BRD2: variants seen among roughly 807,000 people sequenced by gnomAD.
The protein encoded by BRD2 is bromodomain containing 2, also known as bromodomain-containing protein 2.
BRD2 carries 15 observed loss-of-function variants against 79.1 expected under a neutral mutation model. The ratio of observed to expected loss-of-function variants is 0.19; its 90% CI spans 0.13 to 0.29. The LOEUF (loss-of-function observed/expected upper bound fraction) is 0.29, where lower values mean the gene tolerates loss of function less well. Ranked by LOEUF, BRD2 falls within the 10% of genes least tolerant of loss-of-function variation. BRD2 has a pLI of 1.00. For synonymous variants in BRD2, 488 were observed against 358.6 expected (o/e 1.36, Z -4.08); for missense variants, 1,053 against 991.3 (o/e 1.06, Z -0.84).
rs1306067635 is a variant in BRD2, at chr6:32,975,068, C to G, written c.333+303C>G. 3.3e-6 allele frequency: 5 copies of G among 1,518,706 alleles called. No homozygotes were observed. The East Asian group carries it at 1.3e-4, about 39-fold the overall frequency. The allele number at this position is 1,518,706 out of a possible 1,614,324, so 94.1% of individuals were successfully genotyped here. A position where few individuals can be genotyped will look rare whatever the true frequency, so the allele number is the denominator to read the frequency against. On this transcript the variant is annotated intron_variant, in intron 3 of 12. Coordinates refer to ENST00000374825, the MANE Select transcript of BRD2 (RefSeq NM_005104.4). ...GGACCACGGTGGCCAAAATTCTTAG[C>G]TTCTTCCTTTCCCTCATGCAGCCCA...
At chr6:32,974,333 C>T (rs1399302536) in intron 2 of BRD2, 129 bp from the exon 3 acceptor site, 9 of 921,958 alleles carry the variant, frequency 9.8e-6, no homozygotes, top group Middle Eastern at 3.5e-4. Context: ...ATTGTTTCTG[C>T]TTAAGAAGCA....
In BRD2 at chr6:32,974,698, C is replaced by T; in HGVS notation, c.266C>T (p.Ala89Val). ...TACCTACACAAGGTAGTGATGAAGGCTCTGTGGAAACATCAGTTCGCATGG... is the reference window on the plus strand; with the variant it reads ...TACCTACACAAGGTAGTGATGAAGGTTCTGTGGAAACATCAGTTCGCATGG... ...LQYLHKVVMK[A>V]LWKHQFAWPF... The change falls in exon 3 of 13, where the codon GCT becomes GTT. Residue 89 changes from alanine to valine, a missense_variant. By Grantham distance (64) the Ala-to-Val change is moderately conservative (BLOSUM62 0). Coordinates refer to ENST00000374825, the MANE Select transcript of BRD2 (RefSeq NM_005104.4). 3.7e-6 allele frequency: 6 copies of T among 1,614,212 alleles called. No individual in the cohort carries two copies. The highest frequency in any genetic ancestry group is 2.2e-5 in the East Asian group (1 of 44,880).
rs745557410 is a variant in BRD2, at chr6:32,980,590, A to G, written c.2278A>G (p.Lys760Glu). 1 of 1,613,158 alleles carries G rather than the reference A, an allele frequency of 6.2e-7. No homozygotes were observed. Among genetic ancestry groups the G allele is most frequent in the Non-Finnish European group, 8.5e-7 (1 of 1,180,048 alleles). Residue 760 changes from lysine to glutamate, a missense_variant, in exon 13 of 13, where the codon AAA becomes GAA. Coordinates refer to ENST00000374825, the MANE Select transcript of BRD2 (RefSeq NM_005104.4). ...TCGAATTTGTTCTGCAGCGAATGAGAAAACAGAGTCATCCTCTGCACAGCA... is the reference window on the plus strand; with the variant it reads ...TCGAATTTGTTCTGCAGCGAATGAGGAAACAGAGTCATCCTCTGCACAGCA... ...TKKPPKKANE[K>E]TESSSAQQVA...
At position 32,978,051 on chromosome 6, in the gene BRD2, C is replaced by G. The variant is rs1438329450; in HGVS notation, c.1578+46C>G. 9 of 1,590,336 alleles carry G rather than the reference C, an allele frequency of 5.7e-6. No homozygotes were observed. In the Admixed American group the frequency reaches 1.1e-4, roughly 19 times the overall value. On this transcript the variant is annotated intron_variant, in intron 9 of 12. Coordinates refer to ENST00000374825, the MANE Select transcript of BRD2 (RefSeq NM_005104.4). Reference sequence around the variant, plus strand: ...GTTTTTATTGGGTAAGAGGTTCATGCCCTTTGTCCTCATTTTTTCTTCTTG... The same window carrying G: ...GTTTTTATTGGGTAAGAGGTTCATGGCCTTTGTCCTCATTTTTTCTTCTTG...
chr6:32,976,429 G>A lies in BRD2; in HGVS notation c.790G>A (p.Val264Ile). Reference sequence around the variant, plus strand: ...CTCTGCTGGACCCCCGCTCCTTGCTGTTACTGCAGCTCCTCCAGCCCAGCC... The same window carrying A: ...CTCTGCTGGACCCCCGCTCCTTGCTATTACTGCAGCTCCTCCAGCCCAGCC... The part of the protein sequence containing the change: ...LHSAGPPLLA[V>I]TAAPPAQPLA... Residue 264 changes from valine (V) to isoleucine (I), a missense_variant, in exon 6 of 13, where the codon GTT (valine) becomes ATT (isoleucine). By Grantham distance (29) the Val-to-Ile change is conservative (BLOSUM62 3). Coordinates refer to ENST00000374825, the MANE Select transcript of BRD2 (RefSeq NM_005104.4). 4 of 1,611,788 alleles carry A rather than the reference G, an allele frequency of 2.5e-6. No homozygotes were observed. Among genetic ancestry groups the A allele is most frequent in the South Asian group, 1.1e-5 (1 of 91,082 alleles).
chr6:32,973,836 T>C (rs1354687192), intron 2 of BRD2, among the ~76,000 whole-genome samples: 4 of 152,130 alleles, frequency 2.6e-5, no homozygotes, highest in Admixed American at 6.5e-5. Flanking sequence ...TTACGGGCTG[T>C]GAAGTCTGAC....
At position 32,977,903 on chromosome 6, in the gene BRD2, G is replaced by A; in HGVS notation, c.1476G>A (p.Glu492=). 6.2e-7 allele frequency: 1 copy of A among 1,612,814 alleles called. No homozygotes were observed. The change falls in exon 9 of 13, where the codon GAG becomes GAA. Residue 492 remains glutamate, a synonymous_variant. Coordinates refer to ENST00000374825, the MANE Select transcript of BRD2 (RefSeq NM_005104.4). ...SEESSSESSS[E]EEEEEDEEDE... is the part of the protein sequence containing the mutation. ...AAAGTAGCAGTGAGAGCTCCTCTGA[G>A]GAAGAGGAGGAGGAAGATGAGGAGG...
Position 32,976,400 on chromosome 6 carries a change from T to C in BRD2, c.761T>C (p.Leu254Ser). 1 of 1,612,844 alleles carries C rather than the reference T, an allele frequency of 6.2e-7. No individual in the cohort carries two copies. Among genetic ancestry groups the C allele is most frequent in the Non-Finnish European group, 8.5e-7 (1 of 1,180,018 alleles). Residue 254 changes from leucine to serine, a missense_variant, in exon 6 of 13, where the codon TTG becomes TCG. Transcript: ENST00000374825. ...ATTTCCTCTCCACTTCTCAAGTCCT[T>C]GCACTCTGCTGGACCCCCGCTCCTT... ...SVISSPLLKS[L>S]HSAGPPLLAV... is the part of the protein sequence containing the mutation.
rs141902172 is a variant in BRD2 at position 32,978,657 on chromosome 6, A to G, written c.1841+269A>G. The G allele has an allele frequency of 3.7e-4, 214 of 577,676 alleles. 1 individual carries two copies. The East Asian group carries it at 6.0e-3, about 16-fold the overall frequency. The allele number at this position is 577,676 out of a possible 1,614,324, so 35.8% of individuals were successfully genotyped here. The stretch of plus-strand genomic sequence containing the variant: ...TTCCCATAAGGAGCATGCAGCCTGG[A>G]TATGTACCATGCGCACTTCACAGTA... On this transcript the variant is annotated intron_variant, in intron 10 of 12. Transcript: ENST00000374825.
Position 32,976,067 on chromosome 6 carries a change from G to A in BRD2, c.508G>A (p.Glu170Lys). Residue 170 changes from glutamate (E) to lysine (K), a missense_variant, in exon 5 of 13, where the codon GAA becomes AAA. By Grantham distance (56) the Glu-to-Lys change is moderately conservative. Coordinates refer to ENST00000374825, the MANE Select transcript of BRD2 (RefSeq NM_005104.4). ...DDIVLMAQTL[E>K]KIFLQKVASM... ...TATTGTCCTAATGGCACAAACGCTGGAAAAGATATTCCTACAGAAGGTTGC... is the reference window on the plus strand; with the variant it reads ...TATTGTCCTAATGGCACAAACGCTGAAAAAGATATTCCTACAGAAGGTTGC... 1 of 1,612,572 alleles carries A rather than the reference G, an allele frequency of 6.2e-7. No homozygotes were observed. Among genetic ancestry groups the A allele is most frequent in the Non-Finnish European group, 8.5e-7 (1 of 1,179,880 alleles).
chr6:32,970,905 C>G (rs1190339412), intron 1 of BRD2: 13 of 152,454 alleles, frequency 8.5e-5, no homozygotes. Context: ...GAGGGCTAGT[C>G]TGAGCCGCAG....
rs760369411 is a variant in BRD2 at position 32,980,452 on chromosome 6, C to T, written c.2257C>T (p.Pro753Ser). Reference protein sequence around the residue: ...VSGQLNSTKKPPKKANEKTES... With the variant: ...VSGQLNSTKKSPKKANEKTES... ...CGGACAGCTCAATTCTACTAAAAAG[C>T]CCCCCAAGAAAGGTGAGTATATACT... is the stretch of plus-strand genomic sequence containing the variant. Residue 753 changes from proline (P) to serine (S), a missense_variant, in exon 12 of 13, where the codon CCC becomes TCC. Transcript: ENST00000374825. The T allele has an allele frequency of 6.2e-7, 1 of 1,613,004 alleles. No homozygotes were observed. Among genetic ancestry groups the T allele is most frequent in the Non-Finnish European group, 8.5e-7 (1 of 1,180,018 alleles).
chr6:32,979,823 C>T lies in BRD2; in HGVS notation c.1842-5C>T, dbSNP rs750781190. 33 of 1,608,600 alleles carry T rather than the reference C, an allele frequency of 2.1e-5. No individual in the cohort carries two copies. Among genetic ancestry groups the T allele is most frequent in the Admixed American group, 1.9e-4 (11 of 59,246 alleles). On this transcript the variant is annotated splice_region_variant and splice_polypyrimidine_tract_variant and intron_variant, in intron 10 of 12. Coordinates refer to ENST00000374825, the MANE Select transcript of BRD2 (RefSeq NM_005104.4). ...TCTTTTGCTGACAACTCTTTTTGCCCTTAGGCTCCCCAAAAAGGCCACAAA... is the reference window on the plus strand; with the variant it reads ...TCTTTTGCTGACAACTCTTTTTGCCTTTAGGCTCCCCAAAAAGGCCACAAA...
rs1778081246 is a variant in BRD2 at position 32,972,149 on chromosome 6, G to A, written c.-750G>A. ...CAGGGTGGCGCGCATGAGCGGCGAA[G>A]CTCCTCCTCCCCGCCTATATATAAA... On this transcript the variant is annotated 5_prime_UTR_variant, in exon 2 of 13. Transcript: ENST00000374825. 1.5e-6 allele frequency: 1 copy of A among 646,006 alleles called. No individual in the cohort carries two copies. The highest frequency in any genetic ancestry group is 2.8e-5 in the East Asian group (1 of 35,692). The allele number at this position is 646,006 out of a possible 1,614,324, so 40.0% of individuals were successfully genotyped here.
rs6924369 is a variant in BRD2, at chr6:32,975,376, T to A, written c.334-8T>A. On this transcript the variant is annotated splice_region_variant and splice_polypyrimidine_tract_variant and intron_variant, in intron 3 of 12. Coordinates refer to ENST00000374825, the MANE Select transcript of BRD2 (RefSeq NM_005104.4). ...TCTGTGGTTCTGACCTAACATTTTT[T>A]TATTTAGGATTATCACAAAATTATA... 1.2e-6 allele frequency: 2 copies of A among 1,600,502 alleles called. No homozygotes were observed. Among genetic ancestry groups the A allele is most frequent in the African/African-American group, 2.7e-5 (2 of 74,340 alleles).
At chr6:32,973,164 C>G (rs1183040900) in intron 2 of BRD2, 2 of 1,543,732 alleles carry the variant, frequency 1.3e-6, no homozygotes, top group Non-Finnish European at 1.8e-6. Flanking sequence ...GCCGCCGTGG[C>G]CCAGTCTTAA....
intron 4 of BRD2, 137 bp from the exon 5 acceptor site, chr6:32,975,890 TTTTC>T (rs1778675248): frequency 2.8e-6 from 3 of 1,069,588 alleles, no homozygotes; most frequent in Non-Finnish European, 2.6e-6. Flanking sequence ...GAGTAGGAAA[TTTTC>T]TTTAAGATTT....
At chr6:32,980,535 T>C in intron 12 of BRD2, 47 bp from the exon 13 acceptor site, 1 of 1,612,416 alleles carries the variant, frequency 6.2e-7, no homozygotes, top group Non-Finnish European at 8.5e-7. Context: ...TATTGACAAA[T>C]GAAGATTCAG....
chr6:32,978,018 T>G lies in BRD2; in HGVS notation c.1578+13T>G, dbSNP rs754697731. Reference sequence around the variant, plus strand: ...ACTACAGGAACAGGTATTTTGTCACTCTTGAAAGTTTTTATTGGGTAAGAG... The same window carrying G: ...ACTACAGGAACAGGTATTTTGTCACGCTTGAAAGTTTTTATTGGGTAAGAG... On this transcript the variant is annotated intron_variant, in intron 9 of 12. Coordinates refer to ENST00000374825, the MANE Select transcript of BRD2 (RefSeq NM_005104.4). 6.2e-7 allele frequency: 1 copy of G among 1,607,268 alleles called. No individual in the cohort carries two copies. Among genetic ancestry groups the G allele is most frequent in the Non-Finnish European group, 8.5e-7 (1 of 1,178,326 alleles).
Sources: allele counts gnomAD v4.1 joint callset (sites outside exome capture counted in the v4.1 genomes callset), GRCh38; gene constraint gnomAD v4.1.1; transcripts MANE v1.5; gene names NCBI Gene and HGNC (gene_info 2026-07-23, HGNC 2026-07-21).